Variants in KIAA0825 observed in about 807,000 individuals in gnomAD.
KIAA0825 encodes the protein KIAA0825.
A neutral mutation model predicts 147.6 loss-of-function variants in KIAA0825; 119 were observed. The observed-to-expected ratio is 0.81, with a 90% CI of 0.69 to 0.94. The LOEUF is 0.94. KIAA0825 is among the 40% of genes least tolerant of loss of function. KIAA0825 has a pLI of 0.00. For synonymous variants in KIAA0825, 470 were observed against 518.1 expected, an observed-to-expected ratio of 0.91 and a Z score of 1.26; for missense variants, 1,381 against 1,472.7, an observed-to-expected ratio of 0.94 and a Z score of 1.02.
chr5:94,612,747 C>T (rs756156308), intron 1 of KIAA0825, among the ~76,000 whole-genome samples: 1 of 152,228 alleles, frequency 6.6e-6, no homozygotes, highest in Admixed American at 6.5e-5. Context: ...GTAACTTTCA[C>T]ACTGTCACAC....
intron 20 of KIAA0825, among the ~76,000 whole-genome samples, chr5:94,325,092 T>C (rs1358110115): frequency 1.3e-5 from 2 of 152,036 alleles, no homozygotes; most frequent in African/African-American, 4.8e-5. Flanking sequence ...GATTATGTTA[T>C]ATGAAAACAT....
intron 14 of KIAA0825, among the ~76,000 whole-genome samples, chr5:94,427,045 T>C (rs1754979227): frequency 6.6e-6 from 1 of 152,188 alleles, no homozygotes; most frequent in Non-Finnish European, 1.5e-5. Context: ...ATTTTTTATC[T>C]TGTCTTGTAT....
intron 20 of KIAA0825, among the ~76,000 whole-genome samples, chr5:94,170,301 A>AAAAACAAAAC (rs369548025): frequency 1.3e-5 from 2 of 152,110 alleles, no homozygotes; most frequent in African/African-American, 2.4e-5. Context: ...TCCATCTCAA[A>AAAAACAAAAC]AAAACAAAAC....
intron 1 of KIAA0825, among the ~76,000 whole-genome samples, chr5:94,603,692 G>A (rs1406974231): frequency 3.9e-5 from 6 of 152,126 alleles, no homozygotes; most frequent in African/African-American, 7.2e-5. Flanking sequence ...TCTCACATGC[G>A]ATGACACACA....
intron 20 of KIAA0825, among the ~76,000 whole-genome samples, chr5:94,233,435 C>T (rs189389321): frequency 3.5e-4 from 53 of 151,928 alleles, no homozygotes; most frequent in Non-Finnish European, 6.5e-4. Context: ...TTAAATTTAT[C>T]TCTCATTTCT....
At chr5:94,464,630 C>G (rs949509986) in intron 11 of KIAA0825, among the ~76,000 whole-genome samples, 4 of 152,120 alleles carry the variant, frequency 2.6e-5, no homozygotes, top group Non-Finnish European at 5.9e-5. Context: ...CACCTTGAAT[C>G]ATTTTTTAGC....
At chr5:94,336,645 T>C (rs550700539) in intron 20 of KIAA0825, among the ~76,000 whole-genome samples, 82 of 152,310 alleles carry the variant, frequency 5.4e-4, no homozygotes, top group Non-Finnish European at 1.1e-3. Flanking sequence ...CCACATTTTC[T>C]TTATCTAGTC....
chr5:94,188,243 G>T (rs542323132), intron 20 of KIAA0825, among the ~76,000 whole-genome samples: 2 of 152,306 alleles, frequency 1.3e-5, no homozygotes, highest in East Asian at 3.9e-4. Flanking sequence ...AATTAAGACA[G>T]TACACCAGAA....
chr5:94,400,625 T>C (rs1225529267), intron 16 of KIAA0825, among the ~76,000 whole-genome samples: 1 of 152,162 alleles, frequency 6.6e-6, no homozygotes, highest in Admixed American at 6.6e-5. Flanking sequence ...GTTGAGAAAA[T>C]ATCTTCTCAG....
chr5:94,605,268 A>G (rs954026766), intron 1 of KIAA0825, among the ~76,000 whole-genome samples: 6 of 152,228 alleles, frequency 3.9e-5, no homozygotes, highest in South Asian at 2.1e-4. Flanking sequence ...TTGAAGCAGT[A>G]ATAAATAGCT....
At chr5:94,520,947 T>G (rs938004084) in intron 4 of KIAA0825, 30 bp from the exon 5 acceptor site, 11 of 1,456,190 alleles carry the variant, frequency 7.6e-6, no homozygotes, top group Non-Finnish European at 9.3e-6. Context: ...AGAAATGTGA[T>G]TAAGTGCAAT....
intron 1 of KIAA0825, among the ~76,000 whole-genome samples, chr5:94,617,344 G>A (rs1221620886): frequency 6.6e-6 from 1 of 152,170 alleles, no homozygotes; most frequent in Non-Finnish European, 1.5e-5. Flanking sequence ...TAAGTTTGTT[G>A]AATTATTAAC....
chr5:94,219,370 C>G (rs1773487123), intron 20 of KIAA0825, among the ~76,000 whole-genome samples: 1 of 152,136 alleles, frequency 6.6e-6, no homozygotes, highest in African/African-American at 2.4e-5. Flanking sequence ...TTGCCCACCA[C>G]TCACCTCCTG....
intron 10 of KIAA0825, 106 bp from the exon 11 acceptor site, chr5:94,465,165 T>A: frequency 1.0e-6 from 1 of 991,702 alleles, no homozygotes. Context: ...AGCTAAAGAG[T>A]TTGACACACT....
chr5:94,227,316 A>G (rs1297587770), intron 20 of KIAA0825, among the ~76,000 whole-genome samples: 6 of 151,962 alleles, frequency 3.9e-5, no homozygotes, highest in Non-Finnish European at 8.8e-5. Flanking sequence ...CAAACACCGC[A>G]TATTCTCACT....
chr5:94,600,061 T>A (rs1355572390), intron 1 of KIAA0825, among the ~76,000 whole-genome samples: 2 of 152,276 alleles, frequency 1.3e-5, no homozygotes, highest in African/African-American at 4.8e-5. Flanking sequence ...GGCCAATAAG[T>A]ACATGAAAAA....
intron 15 of KIAA0825, chr5:94,412,963 T>A (rs1381916852): frequency 2.0e-5 from 3 of 151,660 alleles, no homozygotes; most frequent in African/African-American, 7.3e-5. Context: ...TGGATTTTTT[T>A]TTTTTTTTTT....
chr5:94,364,146 A>T (rs1361528152), intron 20 of KIAA0825, among the ~76,000 whole-genome samples: 2 of 152,030 alleles, frequency 1.3e-5, no homozygotes, highest in African/African-American at 4.8e-5. Flanking sequence ...AAGGTAGCTC[A>T]TGCTGGACAT....
chr5:94,203,681 ATT>A (rs1284429259), intron 20 of KIAA0825, among the ~76,000 whole-genome samples: 2 of 152,198 alleles, frequency 1.3e-5, no homozygotes, highest in African/African-American at 4.8e-5. Flanking sequence ...AAGACTGCCC[ATT>A]TAACAGATAC....
Sources: gnomAD v4.1 joint callset for allele counts (sites outside exome capture counted in the v4.1 genomes callset) on GRCh38, gnomAD v4.1.1 for gene constraint, MANE v1.5 for transcripts, NCBI Gene and HGNC (gene_info 2026-07-23, HGNC 2026-07-21) for gene names.